NUP107: variants seen among roughly 807,000 people sequenced by gnomAD.
NUP107 encodes the protein nuclear pore complex protein Nup107.
NUP107 carries 101 observed loss-of-function variants against 141.0 expected under a neutral mutation model. The ratio of observed to expected loss-of-function variants is 0.72; its 90% CI spans 0.61 to 0.84. NUP107 has a LOEUF of 0.84. NUP107 is among the 40% of genes least tolerant of loss of function. The probability of loss-of-function intolerance (pLI) is 0.00; values close to 1 mark genes in which losing one functional copy is unlikely to be tolerated. For missense variants in NUP107, 941 were observed against 1,102.7 expected (o/e 0.85, Z 2.08); for synonymous variants, 319 against 363.9 (o/e 0.88, Z 1.41).
chr12:68,716,237 C>CT (rs1304801302), intron 12 of NUP107, among the ~76,000 whole-genome samples: 6,629 of 115,090 alleles, frequency 0.058, 546 homozygotes, highest in African/African-American at 0.13. Context: ...TTCTTTCTTT[C>CT]TTTCTTTCTT....
In NUP107 at chr12:68,709,249, CA is replaced by C; in HGVS notation, c.742del (p.Ser248ValfsTer23). 2 of 1,595,886 alleles carry C rather than the reference CA, an allele frequency of 1.3e-6. No homozygotes were observed. The highest frequency in any genetic ancestry group is 1.7e-6 in the Non-Finnish European group (2 of 1,170,006). On this transcript the variant is annotated frameshift_variant, in exon 9 of 28. Transcript: ENST00000229179. LOFTEE classifies it high-confidence loss of function. ...ATTTTTCATAATAGGCTGTTAATGC[CA>C]GTGAAAAAACAGTTGTGGAAGCGTT... ...SVFAVTAVNA[S>X]EKTVVEALFQ...
intron 19 of NUP107, among the ~76,000 whole-genome samples, chr12:68,726,975 T>C (rs1212567916): frequency 6.6e-6 from 1 of 152,228 alleles, no homozygotes; most frequent in Admixed American, 6.5e-5. Flanking sequence ...AAAAAGAAGA[T>C]AACATTTTGG....
intron 1 of NUP107, chr12:68,687,457 G>T (rs929761220): frequency 1.9e-6 from 2 of 1,064,022 alleles, no homozygotes; most frequent in African/African-American, 3.3e-5. Flanking sequence ...CTGATTACAA[G>T]TGCCAGCATC....
At position 68,719,487 on chromosome 12, in the gene NUP107, G is replaced by A. The variant is rs534687982; in HGVS notation, c.1174+56G>A. On this transcript the variant is annotated intron_variant, in intron 13 of 27. Coordinates refer to ENST00000229179, the MANE Select transcript of NUP107 (RefSeq NM_020401.4). ...AGGACAAAGGCATTTCGCTCTAAAT[G>A]CCAATCTTTGTGAACTATAGCTTCT... is the stretch of plus-strand genomic sequence containing the variant. 1.9e-6 allele frequency: 3 copies of A among 1,562,522 alleles called. No homozygotes were observed. The East Asian group carries it at 6.7e-5, about 35-fold the overall frequency.
chr12:68,701,640 CTG>C (rs1345655922), intron 7 of NUP107, among the ~76,000 whole-genome samples: 1 of 151,632 alleles, frequency 6.6e-6, no homozygotes, highest in Non-Finnish European at 1.5e-5. Context: ...GATTGTGCTA[CTG>C]CACTCCAGCC....
chr12:68,689,264 T>G (rs1201108464), intron 2 of NUP107, among the ~76,000 whole-genome samples: 1 of 152,238 alleles, frequency 6.6e-6, no homozygotes, highest in Admixed American at 6.5e-5. Context: ...TTCTTACTGC[T>G]GACAGCTTCT....
At position 68,742,515 on chromosome 12, in the gene NUP107, A is replaced by G. The variant is rs1196148151; in HGVS notation, c.*53A>G. The G allele has an allele frequency of 1.0e-6, 1 of 959,500 alleles. No homozygotes were observed. The highest frequency in any genetic ancestry group is 2.5e-5 in the Admixed American group (1 of 39,998). The allele number at this position is 959,500 out of a possible 1,614,324, so 59.4% of individuals were successfully genotyped here. A position where few individuals can be genotyped will look rare whatever the true frequency, so the allele number is the denominator to read the frequency against. On this transcript the variant is annotated 3_prime_UTR_variant, in exon 28 of 28. Coordinates refer to ENST00000229179, the MANE Select transcript of NUP107 (RefSeq NM_020401.4). ...CATGATAAATGAAGTTTTTAATAAA[A>G]TATACTTGTTATTAGTAATTTTTTC...
chr12:68,713,191 A>G (rs1014476363), intron 10 of NUP107, among the ~76,000 whole-genome samples: 1 of 151,272 alleles, frequency 6.6e-6, no homozygotes, highest in Admixed American at 6.6e-5. Context: ...AGGGGAACAC[A>G]GTGAGACCCC....
intron 26 of NUP107, among the ~76,000 whole-genome samples, chr12:68,740,442 A>G (rs949109331): frequency 6.6e-6 from 1 of 152,234 alleles, no homozygotes; most frequent in Non-Finnish European, 1.5e-5. Flanking sequence ...TTATGCTTCA[A>G]ACAAGACCAA....
chr12:68,705,906 GA>G, intron 8 of NUP107: 1 of 881,954 alleles, frequency 1.1e-6, no homozygotes, highest in South Asian at 1.3e-5. Flanking sequence ...GCACCCAGGT[GA>G]AGGAGCAGAT....
At chr12:68,710,481 C>G (rs998652971) in intron 10 of NUP107, among the ~76,000 whole-genome samples, 6 of 151,606 alleles carry the variant, frequency 4.0e-5, no homozygotes, top group Non-Finnish European at 5.9e-5. Flanking sequence ...ATGGTAAAAC[C>G]CTGTCTCTGC....
At chr12:68,716,412 G>A (rs1329916767) in intron 12 of NUP107, among the ~76,000 whole-genome samples, 1 of 151,002 alleles carries the variant, frequency 6.6e-6, no homozygotes, top group African/African-American at 2.4e-5. Context: ...TTTATTTTTT[G>A]TACAGACGGA....
chr12:68,707,011 G>A, intron 8 of NUP107: 1 of 618,768 alleles, frequency 1.6e-6, no homozygotes, highest in Non-Finnish European at 2.9e-6. Context: ...CTGTGATTGT[G>A]AAGATCGAGA....
At chr12:68,689,130 A>G in intron 2 of NUP107, 77 bp downstream of exon 2, 1 of 1,137,998 alleles carries the variant, frequency 8.8e-7, no homozygotes. Flanking sequence ...TTCTTTTTAT[A>G]AGAGTATTAA....
rs1878477455 is a variant in NUP107, at chr12:68,745,169, G to C, written c.*2707G>C. 1 of 152,084 alleles carries C rather than the reference G, an allele frequency of 6.6e-6. No individual in the cohort carries two copies. The highest frequency in any genetic ancestry group is 6.5e-5 in the Admixed American group (1 of 15,268). The allele number at this position is 152,084 out of a possible 1,614,324, so 9.4% of individuals were successfully genotyped here. ...GGGCTCAAGCAATCCTCCCACGTCA[G>C]TCTCTCAAATAGCTGGGACTACAGG... On this transcript the variant is annotated 3_prime_UTR_variant, in exon 28 of 28. Coordinates refer to ENST00000229179, the MANE Select transcript of NUP107 (RefSeq NM_020401.4).
rs2136057690 is a variant in NUP107 at position 68,742,746 on chromosome 12, T to C, written c.*284T>C. ...AAATTAAATTTTCTGTTCTAGTTTT[T>C]TCTGTAATCATAAGCATTCTGATAT... On this transcript the variant is annotated 3_prime_UTR_variant, in exon 28 of 28. Transcript: ENST00000229179. 1 of 167,388 alleles carries C rather than the reference T, an allele frequency of 6.0e-6. No homozygotes were observed. Among genetic ancestry groups the C allele is most frequent in the East Asian group, 1.6e-4 (1 of 6,272 alleles). 10.4% of individuals were successfully genotyped at this position (167,388 alleles called of 1,614,324 possible). A position where few individuals can be genotyped will look rare whatever the true frequency, so the allele number is the denominator to read the frequency against.
At chr12:68,695,963 C>T (rs1565686790) in intron 5 of NUP107, among the ~76,000 whole-genome samples, 1 of 150,854 alleles carries the variant, frequency 6.6e-6, no homozygotes, top group Non-Finnish European at 1.5e-5. Flanking sequence ...GCCATGATTG[C>T]ACCACTGTAC....
intron 27 of NUP107, 51 bp downstream of exon 27, chr12:68,742,031 G>C (rs760282738): frequency 1.5e-6 from 2 of 1,364,538 alleles, no homozygotes. Flanking sequence ...GATATGCTCT[G>C]TAGTAATATT....
intron 17 of NUP107, among the ~76,000 whole-genome samples, chr12:68,723,223 C>T (rs1243762755): frequency 6.6e-6 from 1 of 151,638 alleles, no homozygotes; most frequent in Non-Finnish European, 1.5e-5. Flanking sequence ...AAAAAATTAG[C>T]TGGGTATGGT....
Sources: allele counts gnomAD v4.1 joint callset (sites outside exome capture counted in the v4.1 genomes callset), GRCh38; gene constraint gnomAD v4.1.1; transcripts MANE v1.5; gene names NCBI Gene and HGNC (gene_info 2026-07-23, HGNC 2026-07-21).